AGMO: variants seen among roughly 807,000 people sequenced by gnomAD.
The protein encoded by AGMO is glyceryl-ether monooxygenase.
Under a neutral mutation model 60.2 loss-of-function variants are expected in AGMO, and 75 were observed. The observed-to-expected ratio is 1.25, with a 90% CI of 1.03 to 1.51. The LOEUF is 1.51. AGMO is among the 40% of genes most tolerant of loss of function. The pLI, the probability that AGMO is intolerant of heterozygous loss-of-function variation, is 0.00. For synonymous variants in AGMO, 261 were observed against 177.1 expected, an observed-to-expected ratio of 1.47 and a Z score of -3.76; for missense variants, 763 against 525.5, an observed-to-expected ratio of 1.45 and a Z score of -4.42.
intron 12 of AGMO, among the ~76,000 whole-genome samples, chr7:15,342,793 A>AC (rs1583430452): frequency 3.3e-5 from 5 of 149,406 alleles, no homozygotes; most frequent in African/African-American, 5.0e-5. Flanking sequence ...AAAAAAAAAA[A>AC]AAAAAAAAAA....
intron 10 of AGMO, among the ~76,000 whole-genome samples, chr7:15,383,724 T>C (rs1196115701): frequency 2.6e-5 from 4 of 152,110 alleles, no homozygotes; most frequent in Non-Finnish European, 4.4e-5. Flanking sequence ...ATAATACACA[T>C]TGTTGTTTGA....
At chr7:15,463,631 T>C (rs1332112203) in intron 3 of AGMO, among the ~76,000 whole-genome samples, 18 of 152,138 alleles carry the variant, frequency 1.2e-4, no homozygotes, top group Non-Finnish European at 1.5e-5. Flanking sequence ...CCTCAAGAAG[T>C]ACATCCAGGT....
intron 12 of AGMO, among the ~76,000 whole-genome samples, chr7:15,260,300 T>C (rs1783231379): frequency 6.6e-6 from 1 of 150,726 alleles, no homozygotes; most frequent in Non-Finnish European, 1.5e-5. Flanking sequence ...TTACATAAAC[T>C]TAAGAGAAAG....
intron 12 of AGMO, among the ~76,000 whole-genome samples, chr7:15,215,867 T>A (rs1781721525): frequency 6.6e-6 from 1 of 152,140 alleles, no homozygotes; most frequent in Admixed American, 6.6e-5. Context: ...AGAGACAGGA[T>A]TTTTTAAGGT....
intron 5 of AGMO, among the ~76,000 whole-genome samples, chr7:15,406,253 G>C (rs1284035928): frequency 9.6e-6 from 1 of 104,022 alleles, no homozygotes; most frequent in African/African-American, 4.5e-5. Context: ...ACACACACAC[G>C]TATATTCCAT....
intron 2 of AGMO, among the ~76,000 whole-genome samples, chr7:15,557,997 TTCTCTCTC>T (rs5882526): frequency 2.7e-5 from 4 of 149,500 alleles, no homozygotes; most frequent in Admixed American, 6.7e-5. Context: ...CTTTTTTTCC[TTCTCTCTC>T]TCTCTCTCTC....
the AGMO span, among the ~76,000 whole-genome samples, chr7:15,128,991 C>T: frequency 6.6e-6 from 1 of 151,962 alleles, no homozygotes; most frequent in East Asian, 1.9e-4. Flanking sequence ...CAGGTTTCTC[C>T]TAATTGGAGG....
chr7:15,173,450 T>G, the AGMO span, among the ~76,000 whole-genome samples: 1 of 152,160 alleles, frequency 6.6e-6, no homozygotes, highest in African/African-American at 2.4e-5. Context: ...ATTGATTTCT[T>G]AAATAGTATG....
rs531516925 is a variant in AGMO at position 15,432,101 on chromosome 7, G to A, written c.410-993C>T. 2.0e-5 allele frequency among the ~76,000 whole-genome samples: 3 copies of A among 151,610 alleles called. No individual in the cohort carries two copies. In the South Asian group the frequency reaches 6.2e-4, roughly 31 times the overall value. On this transcript the variant is annotated intron_variant, in intron 3 of 12. Coordinates refer to ENST00000342526, the MANE Select transcript of AGMO (RefSeq NM_001004320.2). ...GTCTTTTGCTACAAATCCAGGAAAT[G>A]GAATTAGCTATGTGACATGATCATC...
intron 12 of AGMO, among the ~76,000 whole-genome samples, chr7:15,232,680 C>T (rs1170909091): frequency 4.6e-5 from 7 of 151,908 alleles, no homozygotes; most frequent in Admixed American, 2.6e-4. Context: ...GAGTAGAATA[C>T]GAATCAAAGG....
chr7:15,521,197 G>A (rs147294907), intron 3 of AGMO, among the ~76,000 whole-genome samples: 41 of 152,240 alleles, frequency 2.7e-4, no homozygotes, highest in African/African-American at 9.2e-4. Flanking sequence ...AATTGAGGCA[G>A]TAATTAATAG....
intron 12 of AGMO, among the ~76,000 whole-genome samples, chr7:15,281,270 A>C (rs1783957338): frequency 6.6e-6 from 1 of 152,056 alleles, no homozygotes; most frequent in Admixed American, 6.5e-5. Flanking sequence ...GGTCTTGGAG[A>C]AGGAGACTTC....
At chr7:15,391,908 C>A (rs1784153565) in intron 6 of AGMO, among the ~76,000 whole-genome samples, 1 of 152,078 alleles carries the variant, frequency 6.6e-6, no homozygotes. Context: ...GAACATCCTC[C>A]ACAACAAAGA....
In AGMO at chr7:15,257,579, A is replaced by T. The variant is rs539590768; in HGVS notation, c.1264-56220T>A. Among the ~76,000 whole-genome samples, 19 of 152,346 alleles carry T rather than the reference A, an allele frequency of 1.2e-4. No homozygotes were observed. In the South Asian group the frequency reaches 3.9e-3, roughly 32 times the overall value. ...CTTTTGCAATTTTTCCCCTCTGATGATTAGAAATACAATTGCCTTGGGGCA... is the reference window on the plus strand; with the variant it reads ...CTTTTGCAATTTTTCCCCTCTGATGTTTAGAAATACAATTGCCTTGGGGCA... On this transcript the variant is annotated intron_variant, in intron 12 of 12. Coordinates refer to ENST00000342526, the MANE Select transcript of AGMO (RefSeq NM_001004320.2).
In AGMO at chr7:15,201,066, T is replaced by A; in HGVS notation, c.*219A>T. 4 of 366,706 alleles carry A rather than the reference T, an allele frequency of 1.1e-5. No homozygotes were observed. The East Asian group carries it at 1.7e-4, about 15-fold the overall frequency. The allele number at this position is 366,706 out of a possible 1,614,324, so 22.7% of individuals were successfully genotyped here. A position where few individuals can be genotyped will look rare whatever the true frequency, so the allele number is the denominator to read the frequency against. On this transcript the variant is annotated 3_prime_UTR_variant, in exon 13 of 13. Coordinates refer to ENST00000342526, the MANE Select transcript of AGMO (RefSeq NM_001004320.2). ...ATAACATCATTATATTTGAAATCTT[T>A]TTTTAATTGTAGTAAAGGGGGGAAG...
At chr7:15,310,771 C>G (rs1268638879) in intron 12 of AGMO, among the ~76,000 whole-genome samples, 1 of 152,138 alleles carries the variant, frequency 6.6e-6, no homozygotes, top group Non-Finnish European at 1.5e-5. Flanking sequence ...GGTCAGAAGT[C>G]TGAAATGGGC....
chr7:15,197,129 T>C (rs1256233566), downstream of AGMO, among the ~76,000 whole-genome samples: 1 of 151,978 alleles, frequency 6.6e-6, no homozygotes, highest in African/African-American at 2.4e-5. Flanking sequence ...AATTATAACA[T>C]AAAAAATGTT....
At chr7:15,243,925 T>G (rs1393582518) in intron 12 of AGMO, among the ~76,000 whole-genome samples, 2 of 152,302 alleles carry the variant, frequency 1.3e-5, no homozygotes, top group East Asian at 3.9e-4. Flanking sequence ...GAGATGTTGA[T>G]TGTTTTAATA....
At chr7:15,504,718 T>A (rs982441077) in intron 3 of AGMO, among the ~76,000 whole-genome samples, 2 of 151,666 alleles carry the variant, frequency 1.3e-5, no homozygotes, top group Non-Finnish European at 2.9e-5. Flanking sequence ...GGATACAAGT[T>A]TATCCAGACA....
Sources: gnomAD v4.1 joint callset for allele counts (sites outside exome capture counted in the v4.1 genomes callset) on GRCh38, gnomAD v4.1.1 for gene constraint, MANE v1.5 for transcripts, NCBI Gene and HGNC (gene_info 2026-07-23, HGNC 2026-07-21) for gene names.